The following ORC4 variants were observed in gnomAD, a reference collection of about 807,000 sequenced individuals.
ORC4 encodes origin recognition complex subunit 4.
ORC4 carries 55 observed loss-of-function variants against 63.9 expected under a neutral mutation model. That is an observed-to-expected ratio of 0.86 (90% confidence interval 0.69 to 1.08). The LOEUF is 1.08. ORC4 is among the 50% of genes least tolerant of loss of function. The pLI is 0.00. For missense variants in ORC4, 511 were observed against 504.4 expected (o/e 1.01, Z -0.13); for synonymous variants, 150 against 168.5 (o/e 0.89, Z 0.85).
intron 1 of ORC4, among the ~76,000 whole-genome samples, chr2:147,993,779 C>T (rs1231671141): frequency 1.3e-5 from 2 of 152,130 alleles, no homozygotes; most frequent in Non-Finnish European, 2.9e-5. Context: ...TACCTTCATC[C>T]TTTTCTGCAA....
At chr2:147,950,856 A>G (rs1449167084) in intron 8 of ORC4, among the ~76,000 whole-genome samples, 1 of 152,068 alleles carries the variant, frequency 6.6e-6, no homozygotes, top group Non-Finnish European at 1.5e-5. Context: ...AGAACATCTG[A>G]TAACACTGCT....
chr2:147,970,961 T>A (rs775572624), intron 4 of ORC4, among the ~76,000 whole-genome samples: 15 of 150,186 alleles, frequency 1.0e-4, no homozygotes, highest in Non-Finnish European at 1.9e-4. Context: ...GGAGACCTCG[T>A]CTCTACACAA....
At chr2:147,993,950 C>G (rs554565152) in intron 1 of ORC4, among the ~76,000 whole-genome samples, 1 of 152,024 alleles carries the variant, frequency 6.6e-6, no homozygotes, top group Admixed American at 6.5e-5. Flanking sequence ...TGATTATGCA[C>G]GTAGAAAATC....
chr2:148,005,407 TG>T (rs985064783), intron 1 of ORC4, among the ~76,000 whole-genome samples: 3 of 150,868 alleles, frequency 2.0e-5, no homozygotes, highest in Admixed American at 6.6e-5. Flanking sequence ...TGCTGGGGGA[TG>T]GGGGGGCTAA....
At chr2:147,976,175 C>A (rs971708251) in intron 1 of ORC4, among the ~76,000 whole-genome samples, 200 bp from the exon 2 acceptor site, 1 of 152,054 alleles carries the variant, frequency 6.6e-6, no homozygotes, top group African/African-American at 2.4e-5. Flanking sequence ...TTTAGGCACA[C>A]TTTGTTTTAC....
chr2:148,020,456 G>A (rs1157334467), intron 1 of ORC4, among the ~76,000 whole-genome samples, 177 bp downstream of exon 1: 1 of 152,060 alleles, frequency 6.6e-6, no homozygotes, highest in Admixed American at 6.5e-5. Flanking sequence ...CCACAAGACG[G>A]AGCTCGCCTG....
chr2:147,973,436 A>G lies in ORC4; in HGVS notation c.134+12T>C. 2.6e-6 allele frequency: 4 copies of G among 1,527,372 alleles called. No individual in the cohort carries two copies. The highest frequency in any genetic ancestry group is 3.6e-6 in the Non-Finnish European group (4 of 1,101,144). The allele number at this position is 1,527,372 out of a possible 1,614,324, so 94.6% of individuals were successfully genotyped here. A position where few individuals can be genotyped will look rare whatever the true frequency, so the allele number is the denominator to read the frequency against. ...GTAGGTCCATAACAGTCAAGAGGAC[A>G]GCTAGACTTACTTGTATTGTACTTG... is the stretch of plus-strand genomic sequence containing the variant. On this transcript the variant is annotated intron_variant, in intron 3 of 13. Transcript: ENST00000392857.
At chr2:147,986,790 T>TAC (rs70992183) in intron 1 of ORC4, among the ~76,000 whole-genome samples, 5,637 of 148,550 alleles carry the variant, frequency 0.038, 160 homozygotes, top group African/African-American at 0.072. Context: ...CACACACACA[T>TAC]ACACACACAC....
rs528136913 is a variant in ORC4, at chr2:147,930,864, T to G, written c.*4646A>C. The G allele has an allele frequency of 6.6e-6, 1 of 152,542 alleles. No homozygotes were observed. Among genetic ancestry groups the G allele is most frequent in the African/African-American group, 2.4e-5 (1 of 41,514 alleles). The allele number at this position is 152,542 out of a possible 1,614,324, so 9.4% of individuals were successfully genotyped here. A position where few individuals can be genotyped will look rare whatever the true frequency, so the allele number is the denominator to read the frequency against. ...AGTTTTTCTTTAGCTATGTTTTTTT[T>G]TTTTTTTATACTTTAAGTTTTAGGG... On this transcript the variant is annotated 3_prime_UTR_variant, in exon 14 of 14. Transcript: ENST00000392857.
intron 7 of ORC4, among the ~76,000 whole-genome samples, 152 bp downstream of exon 7, chr2:147,955,192 AGTG>A (rs1689177887): frequency 6.6e-6 from 1 of 151,902 alleles, no homozygotes; most frequent in African/African-American, 2.4e-5. Flanking sequence ...TCACTGTTAT[AGTG>A]GTGGGAATAC....
rs528904638 is a variant in ORC4 at position 147,961,619 on chromosome 2, A to C, written c.226-2753T>G. On this transcript the variant is annotated intron_variant, in intron 4 of 13. Coordinates refer to ENST00000392857, the MANE Select transcript of ORC4 (RefSeq NM_181741.4). ...CTCATCTCTTCAACCTGCCAGCATC[A>C]GAGTACATCAGGAATATATGAAACT... Among the ~76,000 whole-genome samples the C allele has an allele frequency of 5.9e-5, 9 of 152,292 alleles. No homozygotes were observed. The South Asian group carries it at 1.9e-3, about 32-fold the overall frequency.
In ORC4 at chr2:147,933,682, C is replaced by T. The variant is rs1687893248; in HGVS notation, c.*1828G>A. 6.6e-6 allele frequency: 1 copy of T among 152,042 alleles called. No individual in the cohort carries two copies. The allele number at this position is 152,042 out of a possible 1,614,324, so 9.4% of individuals were successfully genotyped here. On this transcript the variant is annotated 3_prime_UTR_variant, in exon 14 of 14. Coordinates refer to ENST00000392857, the MANE Select transcript of ORC4 (RefSeq NM_181741.4). ...TACCCTTTAAGACAAATAATACTTT[C>T]CTCAAATAGTTCAGAAAATTTTTAA...
At chr2:148,021,316 T>C, upstream of ORC4, 1 of 396,818 alleles carries the variant, frequency 2.5e-6, no homozygotes, top group Non-Finnish European at 5.0e-6. Context: ...AGGAGTTTCT[T>C]CTTCTTCGAA....
Position 147,931,695 on chromosome 2 carries a change from A to C in ORC4, c.*3815T>G, listed in dbSNP as rs1179862720. On this transcript the variant is annotated 3_prime_UTR_variant, in exon 14 of 14. Coordinates refer to ENST00000392857, the MANE Select transcript of ORC4 (RefSeq NM_181741.4). Reference sequence around the variant, plus strand: ...GTAATCCAGCATATAAACAGAGCCAAAGACAAAAAACACATGATTATCTCA... The same window carrying C: ...GTAATCCAGCATATAAACAGAGCCACAGACAAAAAACACATGATTATCTCA... The C allele has an allele frequency of 6.6e-6, 1 of 152,178 alleles. No homozygotes were observed. Among genetic ancestry groups the C allele is most frequent in the Non-Finnish European group, 1.5e-5 (1 of 68,040 alleles). 9.4% of individuals were successfully genotyped at this position (152,178 alleles called of 1,614,324 possible).
intron 1 of ORC4, among the ~76,000 whole-genome samples, chr2:147,991,358 C>A (rs940712132): frequency 1.2e-4 from 18 of 151,860 alleles, no homozygotes; most frequent in African/African-American, 4.3e-4. Flanking sequence ...ACATATATAT[C>A]TTTTAATAAG....
chr2:147,947,974 T>TAA (rs1393665693), intron 9 of ORC4, 77 bp downstream of exon 9: 7 of 1,133,328 alleles, frequency 6.2e-6, no homozygotes, highest in Non-Finnish European at 8.0e-6. Context: ...GTTAATTTAC[T>TAA]AATTTCTAAA....
Position 147,934,454 on chromosome 2 carries a change from C to A in ORC4, c.*1056G>T, listed in dbSNP as rs996629874. On this transcript the variant is annotated 3_prime_UTR_variant, in exon 14 of 14. Coordinates refer to ENST00000392857, the MANE Select transcript of ORC4 (RefSeq NM_181741.4). Reference sequence around the variant, plus strand: ...ATACAAACAGGTTCAGTTAACATTGCCATACACATCTCATTACTTTTGGGA... The same window carrying A: ...ATACAAACAGGTTCAGTTAACATTGACATACACATCTCATTACTTTTGGGA... The A allele has an allele frequency of 1.3e-5, 2 of 152,134 alleles. No homozygotes were observed. The highest frequency in any genetic ancestry group is 2.9e-5 in the Non-Finnish European group (2 of 68,008). The allele number at this position is 152,134 out of a possible 1,614,324, so 9.4% of individuals were successfully genotyped here.
At chr2:147,976,573 CTTTTTT>C (rs1432925761) in intron 1 of ORC4, among the ~76,000 whole-genome samples, 1 of 151,930 alleles carries the variant, frequency 6.6e-6, no homozygotes, top group Non-Finnish European at 1.5e-5. Flanking sequence ...CTTCCTTTTT[CTTTTTT>C]TAACTTACAT....
intron 1 of ORC4, among the ~76,000 whole-genome samples, chr2:147,985,614 G>A (rs962042223): frequency 2.0e-5 from 3 of 152,140 alleles, no homozygotes; most frequent in African/African-American, 7.2e-5. Context: ...CTTAGAAATA[G>A]AACATAAAAG....
Sources: allele counts gnomAD v4.1 joint callset (sites outside exome capture counted in the v4.1 genomes callset), GRCh38; gene constraint gnomAD v4.1.1; transcripts MANE v1.5; gene names NCBI Gene and HGNC (gene_info 2026-07-23, HGNC 2026-07-21).